The following IL1RL2 variants were observed in gnomAD, a reference collection of about 807,000 sequenced individuals.
IL1RL2 encodes interleukin 1 receptor like 2, also known as interleukin-1 receptor-like 2.
IL1RL2 carries 68 observed loss-of-function variants against 66.8 expected under a neutral mutation model. The ratio of observed to expected loss-of-function variants is 1.02; its 90% CI spans 0.84 to 1.25. The LOEUF (loss-of-function observed/expected upper bound fraction) is 1.25. Ranked by LOEUF, IL1RL2 falls within the 50% of genes most tolerant of loss-of-function variation. IL1RL2 has a pLI of 0.00. For synonymous variants in IL1RL2, 305 were observed against 264.6 expected, an observed-to-expected ratio of 1.15 and a Z score of -1.48; for missense variants, 729 against 709.3, an observed-to-expected ratio of 1.03 and a Z score of -0.32.
chr2:102,217,083 T>G (rs1359818834), intron 6 of IL1RL2, among the ~76,000 whole-genome samples: 4 of 152,192 alleles, frequency 2.6e-5, no homozygotes, highest in African/African-American at 9.6e-5. Context: ...GTTTTTATGA[T>G]GGTAATTATC....
At chr2:102,209,351 AG>A (rs1354340434) in intron 5 of IL1RL2, among the ~76,000 whole-genome samples, 3 of 152,200 alleles carry the variant, frequency 2.0e-5, no homozygotes, top group African/African-American at 7.2e-5. Flanking sequence ...AAGAATAAGA[AG>A]GGTCCGTGGG....
intron 5 of IL1RL2, among the ~76,000 whole-genome samples, chr2:102,203,434 C>CT (rs1251088330): frequency 1.3e-5 from 2 of 151,712 alleles, no homozygotes; most frequent in Non-Finnish European, 2.9e-5. Context: ...TTCTCATCCT[C>CT]TATTTTTTTG....
chr2:102,189,692 A>ACTGCAACCTCCGCCTCC (rs1687060347), intron 3 of IL1RL2, among the ~76,000 whole-genome samples: 1 of 152,146 alleles, frequency 6.6e-6, no homozygotes, highest in Non-Finnish European at 1.5e-5. Context: ...ATCTCGGCTC[A>ACTGCAACCTCCGCCTCC]CTGCAACCTC....
intron 6 of IL1RL2, among the ~76,000 whole-genome samples, chr2:102,216,315 T>C (rs1371575031): frequency 6.6e-6 from 1 of 152,208 alleles, no homozygotes; most frequent in Non-Finnish European, 1.5e-5. Flanking sequence ...TCTTTGTCTC[T>C]TCTTATAATT....
At chr2:102,194,439 G>C (rs7562706) in intron 4 of IL1RL2, among the ~76,000 whole-genome samples, 1 of 152,060 alleles carries the variant, frequency 6.6e-6, no homozygotes, top group African/African-American at 2.4e-5. Flanking sequence ...AATTTTGTGG[G>C]ACATATTACA....
At chr2:102,228,752 G>A (rs1690859788) in intron 9 of IL1RL2, among the ~76,000 whole-genome samples, 1 of 152,204 alleles carries the variant, frequency 6.6e-6, no homozygotes, top group Non-Finnish European at 1.5e-5. Context: ...AATTATTAAA[G>A]GTGAATTTGC....
chr2:102,219,368 C>A (rs1689895480), intron 7 of IL1RL2, among the ~76,000 whole-genome samples: 1 of 152,116 alleles, frequency 6.6e-6, no homozygotes, highest in Admixed American at 6.5e-5. Context: ...ACAAAGCAAA[C>A]ACTGGAAATG....
Position 102,220,037 on chromosome 2 carries a change from C to T in IL1RL2, c.991+20C>T. On this transcript the variant is annotated intron_variant, in intron 8 of 11. Coordinates refer to ENST00000264257, the MANE Select transcript of IL1RL2 (RefSeq NM_003854.4). ...TCCCAGGTAATACTCCAGTGGGTTACACACTGTTCAGAGTGTTCAAAACGA... is the reference window on the plus strand; with the variant it reads ...TCCCAGGTAATACTCCAGTGGGTTATACACTGTTCAGAGTGTTCAAAACGA... 6.2e-7 allele frequency: 1 copy of T among 1,600,760 alleles called. No homozygotes were observed. Among genetic ancestry groups the T allele is most frequent in the Non-Finnish European group, 8.6e-7 (1 of 1,169,560 alleles).
chr2:102,189,070 C>G lies in IL1RL2; in HGVS notation c.59-6C>G, dbSNP rs1451784601. The G allele has an allele frequency of 6.2e-7, 1 of 1,604,598 alleles. No individual in the cohort carries two copies. Among genetic ancestry groups the G allele is most frequent in the Non-Finnish European group, 8.5e-7 (1 of 1,172,312 alleles). ...TAATTGTTTTGTTTTGTTTTTCTTT[C>G]CCTAGATGGATGCAAGGACATTTTT... On this transcript the variant is annotated splice_region_variant and splice_polypyrimidine_tract_variant and intron_variant, in intron 2 of 11. Transcript: ENST00000264257.
At chr2:102,236,071 T>G (rs1417186150) in intron 11 of IL1RL2, 1 of 492,734 alleles carries the variant, frequency 2.0e-6, no homozygotes, top group East Asian at 1.5e-4. Context: ...CAAGGCAAAG[T>G]CAGTTTCCAA....
At chr2:102,195,804 C>T (rs1687735748) in intron 4 of IL1RL2, among the ~76,000 whole-genome samples, 1 of 150,600 alleles carries the variant, frequency 6.6e-6, no homozygotes, top group African/African-American at 2.5e-5. Context: ...ACCTCTGCCT[C>T]CTGGGTTCAA....
intron 1 of IL1RL2, 78 bp from the exon 2 acceptor site, chr2:102,187,778 T>C (rs1387588774): frequency 4.0e-6 from 5 of 1,240,360 alleles, no homozygotes; most frequent in Non-Finnish European, 5.9e-6. Context: ...TCTTTGAGAT[T>C]CCGAGGTCGC....
At chr2:102,233,785 C>T (rs983444271) in intron 10 of IL1RL2, among the ~76,000 whole-genome samples, 5 of 152,150 alleles carry the variant, frequency 3.3e-5, no homozygotes, top group Admixed American at 2.0e-4. Flanking sequence ...TAGACACTCA[C>T]ACAACAGTGC....
intron 5 of IL1RL2, among the ~76,000 whole-genome samples, chr2:102,206,697 G>C (rs545319991): frequency 6.6e-6 from 1 of 152,164 alleles, no homozygotes; most frequent in African/African-American, 2.4e-5. Flanking sequence ...GCACAGCGCT[G>C]GGTCTTGCCC....
At position 102,187,050 on chromosome 2, in the gene IL1RL2, C is replaced by A; in HGVS notation, c.-49C>A. 1 of 1,289,894 alleles carries A rather than the reference C, an allele frequency of 7.8e-7. No homozygotes were observed. The highest frequency in any genetic ancestry group is 1.0e-6 in the Non-Finnish European group (1 of 988,876). The allele number at this position is 1,289,894 out of a possible 1,614,324, so 79.9% of individuals were successfully genotyped here. ...TCGTGTCCCTGTCATATTTTCCACT[C>A]TCCACGAGGTCCTGCGCGCTTCAAT... On this transcript the variant is annotated 5_prime_UTR_variant, in exon 1 of 12. Transcript: ENST00000264257.
At chr2:102,187,772 T>C (rs986485898) in intron 1 of IL1RL2, 84 bp from the exon 2 acceptor site, 13 of 1,171,152 alleles carry the variant, frequency 1.1e-5, no homozygotes, top group African/African-American at 3.0e-5. Context: ...CGGTTGTCTT[T>C]GAGATTCCGA....
chr2:102,201,409 A>T, intron 4 of IL1RL2, 147 bp from the exon 5 acceptor site: 1 of 658,178 alleles, frequency 1.5e-6, no homozygotes, highest in Non-Finnish European at 2.7e-6. Flanking sequence ...TCCATCTATC[A>T]TCAATCTATC....
At chr2:102,212,242 G>C (rs1689235553) in intron 6 of IL1RL2, 68 bp downstream of exon 6, 6 of 1,105,258 alleles carry the variant, frequency 5.4e-6, no homozygotes, top group African/African-American at 3.1e-5. Context: ...ATATTCTGGT[G>C]AATATTTTGA....
intron 11 of IL1RL2, among the ~76,000 whole-genome samples, chr2:102,238,794 A>G (rs902358443): frequency 1.3e-5 from 2 of 152,052 alleles, no homozygotes; most frequent in Non-Finnish European, 2.9e-5. Context: ...TTATTCTGGG[A>G]GATGGGAACT....
Sources: gnomAD v4.1 joint callset for allele counts (sites outside exome capture counted in the v4.1 genomes callset) on GRCh38, gnomAD v4.1.1 for gene constraint, MANE v1.5 for transcripts, NCBI Gene and HGNC (gene_info 2026-07-23, HGNC 2026-07-21) for gene names.